Variants in CASQ1 observed in about 807,000 individuals in gnomAD.
The protein encoded by CASQ1 is calsequestrin-1.
Under a neutral mutation model 49.5 loss-of-function variants are expected in CASQ1, and 40 were observed. That is an observed-to-expected ratio of 0.81 (90% CI 0.63 to 1.05). The LOEUF is 1.05. Ranked by LOEUF, CASQ1 falls within the 50% of genes least tolerant of loss-of-function variation. CASQ1 has a pLI of 0.00. For synonymous variants in CASQ1, 174 were observed against 187.2 expected, an observed-to-expected ratio of 0.93 and a Z score of 0.58; for missense variants, 469 against 486.9, an observed-to-expected ratio of 0.96 and a Z score of 0.35.
intron 9 of CASQ1, among the ~76,000 whole-genome samples, chr1:160,199,279 G>A (rs1654316462): frequency 6.6e-6 from 1 of 152,178 alleles, no homozygotes; most frequent in African/African-American, 2.4e-5. Context: ...GGCTGGATGG[G>A]TAGCTCAGGT....
At position 160,201,473 on chromosome 1, in the gene CASQ1, T is replaced by C; in HGVS notation, c.*97T>C. 2 of 1,331,458 alleles carry C rather than the reference T, an allele frequency of 1.5e-6. No individual in the cohort carries two copies. Among genetic ancestry groups the C allele is most frequent in the South Asian group, 1.3e-5 (1 of 74,880 alleles). The allele number at this position is 1,331,458 out of a possible 1,614,324, so 82.5% of individuals were successfully genotyped here. A position where few individuals can be genotyped will look rare whatever the true frequency, so the allele number is the denominator to read the frequency against. On this transcript the variant is annotated 3_prime_UTR_variant, in exon 11 of 11. Coordinates refer to ENST00000368078, the MANE Select transcript of CASQ1 (RefSeq NM_001231.5). The stretch of plus-strand genomic sequence containing the variant: ...GAGTTCCTCCAGGGAGACTAGGTTA[T>C]TCTCTGCCATAGAGCTAACTGGGGT...
Position 160,198,963 on chromosome 1 carries a change from G to A in CASQ1, c.894G>A (p.Glu298=). ...TGTGTTCCCTCCAAGATGGTTTCGA[G>A]TTCTTAGAGACTCTCAAGGCTGTGG... The part of the protein sequence containing the change: ...FAEEADPDGF[E]FLETLKAVAQ... Residue 298 remains glutamate, a synonymous_variant, in exon 9 of 11, where the codon GAG becomes GAA. Coordinates refer to ENST00000368078, the MANE Select transcript of CASQ1 (RefSeq NM_001231.5). The A allele has an allele frequency of 6.2e-7, 1 of 1,609,150 alleles. No individual in the cohort carries two copies. The highest frequency in any genetic ancestry group is 8.5e-7 in the Non-Finnish European group (1 of 1,175,442).
In CASQ1 at chr1:160,201,339, T is replaced by C. The variant is rs371278891; in HGVS notation, c.1154T>C (p.Ile385Thr). 60 of 1,613,862 alleles carry C rather than the reference T, an allele frequency of 3.7e-5. No individual in the cohort carries two copies. The highest frequency in any genetic ancestry group is 4.9e-5 in the Non-Finnish European group (58 of 1,179,926). The change falls in exon 11 of 11, where the codon ATC (isoleucine) becomes ACC (threonine). Residue 385 changes from isoleucine (I) to threonine (T), a missense_variant. Transcript: ENST00000368078. ...CTGGAGGATGTCCTGGAGGGCGAGA[T>C]CAACACAGAGGACGATGACGATGAT... Reference protein sequence around the residue: ...DWLEDVLEGEINTEDDDDDDD... With the variant: ...DWLEDVLEGETNTEDDDDDDD...
chr1:160,198,237 G>A (rs1654288950), intron 7 of CASQ1: 1 of 167,664 alleles, frequency 6.0e-6, no homozygotes, highest in Non-Finnish European at 1.3e-5. Context: ...CAGGCGCAGT[G>A]GCTCACGCCT....
At chr1:160,193,269 G>A (rs369700654) in intron 2 of CASQ1, among the ~76,000 whole-genome samples, 3 of 152,138 alleles carry the variant, frequency 2.0e-5, no homozygotes, top group East Asian at 1.9e-4. Flanking sequence ...CAGCCACTAG[G>A]GGGCAGCACA....
chr1:160,199,651 G>A lies in CASQ1; in HGVS notation c.985-200G>A, dbSNP rs148073458. ...GCCAGTGCACCCAGCTGACCCTCCC[G>A]ATTCTCTCCCTTTAGGATTTCTCCT... is the stretch of plus-strand genomic sequence containing the variant. On this transcript the variant is annotated intron_variant, in intron 9 of 10. Coordinates refer to ENST00000368078, the MANE Select transcript of CASQ1 (RefSeq NM_001231.5). Among the ~76,000 whole-genome samples, 974 of 152,152 alleles carry A rather than the reference G, an allele frequency of 6.4e-3. 11 individuals are homozygous for A. The highest frequency in any genetic ancestry group is 0.022 in the African/African-American group (919 of 41,496).
At chr1:160,199,091 G>C in intron 9 of CASQ1, 38 bp downstream of exon 9, 1 of 1,257,906 alleles carries the variant, frequency 7.9e-7, no homozygotes, top group Non-Finnish European at 1.2e-6. Flanking sequence ...TCTTAAGGTG[G>C]GGCCTTGGAC....
chr1:160,192,681 G>T (rs1486217496), intron 1 of CASQ1, 121 bp from the exon 2 acceptor site: 9 of 772,352 alleles, frequency 1.2e-5, no homozygotes, highest in African/African-American at 6.9e-5. Context: ...TCTTAGCAAA[G>T]GGTCAAGGTC....
intron 9 of CASQ1, among the ~76,000 whole-genome samples, chr1:160,199,486 T>C (rs1285518795): frequency 1.3e-5 from 2 of 152,162 alleles, no homozygotes; most frequent in African/African-American, 2.4e-5. Flanking sequence ...GTGAGAAACA[T>C]TGGCACTTAC....
intron 7 of CASQ1, chr1:160,198,186 G>A (rs963037215): frequency 6.3e-6 from 1 of 158,966 alleles, no homozygotes; most frequent in African/African-American, 2.4e-5. Flanking sequence ...TGAAAGGAGT[G>A]TCACTTGGAA....
Position 160,195,454 on chromosome 1 carries a change from C to A in CASQ1, c.578-7C>A. ...CCCAGAGACTGACTCTGCATTCCAC[C>A]CCCCAGATTACAAAGCCTTCGAGGA... On this transcript the variant is annotated splice_region_variant and splice_polypyrimidine_tract_variant and intron_variant, in intron 4 of 10. Transcript: ENST00000368078. The A allele has an allele frequency of 6.2e-7, 1 of 1,613,650 alleles. No homozygotes were observed. Among genetic ancestry groups the A allele is most frequent in the Non-Finnish European group, 8.5e-7 (1 of 1,179,592 alleles).
intron 3 of CASQ1, among the ~76,000 whole-genome samples, chr1:160,194,491 T>C (rs1225481523): frequency 1.6e-5 from 2 of 126,712 alleles, no homozygotes; most frequent in Non-Finnish European, 3.2e-5. Context: ...AACATATACA[T>C]GCCACACACC....
rs376447325 is a variant in CASQ1 at position 160,195,412 on chromosome 1, G to A, written c.578-49G>A. ...GGGACGATAGTGGGGGATGATTCCC[G>A]GGCAGACCCTGGTTTCCCCAGAGAC... On this transcript the variant is annotated intron_variant, in intron 4 of 10. Coordinates refer to ENST00000368078, the MANE Select transcript of CASQ1 (RefSeq NM_001231.5). The A allele has an allele frequency of 5.7e-5, 88 of 1,546,650 alleles. No individual in the cohort carries two copies. The African/African-American group carries it at 8.1e-4, about 14-fold the overall frequency.
Position 160,199,864 on chromosome 1 carries a change from G to T in CASQ1, c.998G>T (p.Trp333Leu). Residue 333 changes from tryptophan to leucine, a missense_variant, in exon 10 of 11, where the codon TGG (tryptophan) becomes TTG (leucine). Physicochemically the swap from Trp to Leu is moderately conservative, Grantham distance 61. Transcript: ENST00000368078. Reference sequence around the variant, plus strand: ...ATCTCTCTACAGCTGGTCCCATACTGGGAGAAGACGTTTGACATCGACTTG... The same window carrying T: ...ATCTCTCTACAGCTGGTCCCATACTTGGAGAAGACGTTTGACATCGACTTG... ...PDDFPLLVPY[W>L]EKTFDIDLSA... is the part of the protein sequence containing the mutation. 1 of 1,611,666 alleles carries T rather than the reference G, an allele frequency of 6.2e-7. No homozygotes were observed. The highest frequency in any genetic ancestry group is 8.5e-7 in the Non-Finnish European group (1 of 1,177,738).
At chr1:160,193,058 G>A (rs1001038238) in intron 2 of CASQ1, among the ~76,000 whole-genome samples, 172 bp downstream of exon 2, 1 of 152,088 alleles carries the variant, frequency 6.6e-6, no homozygotes, top group Non-Finnish European at 1.5e-5. Context: ...GTTATGGCTC[G>A]GAGACTCTGC....
Position 160,201,250 on chromosome 1 carries a change from T to G in CASQ1, c.1065T>G (p.Asp355Glu). The G allele has an allele frequency of 1.9e-6, 3 of 1,612,896 alleles. No individual in the cohort carries two copies. Among genetic ancestry groups the G allele is most frequent in the Non-Finnish European group, 2.5e-6 (3 of 1,179,554 alleles). ...QIGVVNVTDA[D>E]SVWMEMDDEE... ...CTGCCTGTGCCATCTCCTAGGCGGA[T>G]AGCGTATGGATGGAAATGGACGATG... Residue 355 changes from aspartate to glutamate, a missense_variant, in exon 11 of 11, where the codon GAT becomes GAG. Coordinates refer to ENST00000368078, the MANE Select transcript of CASQ1 (RefSeq NM_001231.5).
chr1:160,197,265 C>A (rs1020509555), intron 6 of CASQ1, among the ~76,000 whole-genome samples: 4 of 152,224 alleles, frequency 2.6e-5, no homozygotes, highest in Admixed American at 2.6e-4. Flanking sequence ...ACATATCGGG[C>A]ACTCAATCAT....
At position 160,201,261 on chromosome 1, in the gene CASQ1, T is replaced by A; in HGVS notation, c.1076T>A (p.Met359Lys). The A allele has an allele frequency of 6.2e-7, 1 of 1,613,312 alleles. No individual in the cohort carries two copies. The highest frequency in any genetic ancestry group is 8.5e-7 in the Non-Finnish European group (1 of 1,179,726). The change falls in exon 11 of 11, where the codon ATG becomes AAG. Residue 359 changes from methionine (M) to lysine (K), a missense_variant. Physicochemically the swap from Met to Lys is moderately conservative, Grantham distance 95. Coordinates refer to ENST00000368078, the MANE Select transcript of CASQ1 (RefSeq NM_001231.5). ...VNVTDADSVWMEMDDEEDLPS... is the reference protein window; with the variant it reads ...VNVTDADSVWKEMDDEEDLPS... ...ATCTCCTAGGCGGATAGCGTATGGA[T>A]GGAAATGGACGATGAGGAGGACCTG...
chr1:160,196,700 T>A (rs1654250771), intron 6 of CASQ1, among the ~76,000 whole-genome samples: 1 of 152,174 alleles, frequency 6.6e-6, no homozygotes, highest in South Asian at 2.1e-4. Flanking sequence ...GGTCTCAAAC[T>A]CCTGACCTCA....
Sources: gnomAD v4.1 joint callset for allele counts (sites outside exome capture counted in the v4.1 genomes callset) on GRCh38, gnomAD v4.1.1 for gene constraint, MANE v1.5 for transcripts, NCBI Gene and HGNC (gene_info 2026-07-23, HGNC 2026-07-21) for gene names.